RIMS2: variants seen among roughly 807,000 people sequenced by gnomAD.
RIMS2 encodes the protein regulating synaptic membrane exocytosis 2, also known as regulating synaptic membrane exocytosis protein 2.
RIMS2 carries 59 observed loss-of-function variants against 174.4 expected under a neutral mutation model. The observed-to-expected ratio is 0.34, with a 90% CI of 0.27 to 0.42. The LOEUF (loss-of-function observed/expected upper bound fraction) is 0.42, where lower values mean the gene tolerates loss of function less well. RIMS2 is among the 10% of genes least tolerant of loss of function. The probability of loss-of-function intolerance (pLI) is 1.00; values close to 1 mark genes in which losing one functional copy is unlikely to be tolerated. For synonymous variants in RIMS2, 606 were observed against 572.5 expected (o/e 1.06, Z -0.84); for missense variants, 1,620 against 1,666.3 (o/e 0.97, Z 0.48).
intron 3 of RIMS2, among the ~76,000 whole-genome samples, chr8:103,846,962 A>C (rs1282133573): frequency 6.6e-6 from 1 of 152,118 alleles, no homozygotes; most frequent in Non-Finnish European, 1.5e-5. Context: ...GGCTAACCTG[A>C]ATGTCAAACA....
chr8:104,074,564 A>G (rs1598288870), intron 19 of RIMS2, among the ~76,000 whole-genome samples: 1 of 152,338 alleles, frequency 6.6e-6, no homozygotes, highest in East Asian at 1.9e-4. Context: ...TATTGATTTT[A>G]GTGTGGCTCA....
chr8:104,098,144 A>C (rs1405674510), intron 19 of RIMS2, among the ~76,000 whole-genome samples: 1 of 152,196 alleles, frequency 6.6e-6, no homozygotes, highest in Admixed American at 6.5e-5. Flanking sequence ...GCAAAAAGTA[A>C]GTTCAAAAAT....
Position 104,141,795 on chromosome 8 carries a change from G to C in RIMS2, c.3335-103121G>C, listed in dbSNP as rs115803272. 2.8e-3 allele frequency among the ~76,000 whole-genome samples: 420 copies of C among 152,240 alleles called. 5 individuals carry two copies. Among genetic ancestry groups the C allele is most frequent in the African/African-American group, 9.8e-3 (407 of 41,526 alleles). On this transcript the variant is annotated intron_variant, in intron 19 of 23. Transcript: ENST00000504942. ...AGAACATGCTTCTTTCATCTGACTG[G>C]GTTCATCATTCAGGGCTCAGCTAAA...
chr8:103,868,101 T>C (rs1594177369), intron 3 of RIMS2, among the ~76,000 whole-genome samples: 1 of 152,188 alleles, frequency 6.6e-6, no homozygotes, highest in East Asian at 1.9e-4. Context: ...AGGGATAATT[T>C]TCAACAGCTG....
intron 19 of RIMS2, among the ~76,000 whole-genome samples, chr8:104,182,183 C>T (rs2098943901): frequency 1.3e-5 from 2 of 151,666 alleles, no homozygotes; most frequent in Admixed American, 1.3e-4. Flanking sequence ...TCTTCTAATC[C>T]ATTAGCATGT....
At chr8:103,531,098 T>C (rs961701874) in intron 1 of RIMS2, among the ~76,000 whole-genome samples, 2 of 151,650 alleles carry the variant, frequency 1.3e-5, no homozygotes, top group African/African-American at 4.8e-5. Context: ...AGTAAAACTA[T>C]AGAATATATG....
chr8:103,915,129 G>A (rs574471424), intron 6 of RIMS2, among the ~76,000 whole-genome samples: 1 of 152,012 alleles, frequency 6.6e-6, no homozygotes, highest in African/African-American at 2.4e-5. Context: ...TTGTATTAAA[G>A]TATTTACATC....
chr8:104,251,909 C>T (rs1206473893), downstream of RIMS2: 2 of 767,610 alleles, frequency 2.6e-6, no homozygotes, highest in Non-Finnish European at 4.4e-6. Flanking sequence ...ACACTGCATG[C>T]TTAATGTTGT....
At chr8:103,848,507 T>A (rs1020220077) in intron 3 of RIMS2, among the ~76,000 whole-genome samples, 19 of 151,972 alleles carry the variant, frequency 1.3e-4, no homozygotes, top group African/African-American at 4.3e-4. Context: ...TACTGCTGAG[T>A]CTGTCTGGTC....
intron 19 of RIMS2, among the ~76,000 whole-genome samples, chr8:104,062,238 T>G (rs1311162087): frequency 6.6e-6 from 1 of 152,010 alleles, no homozygotes; most frequent in Non-Finnish European, 1.5e-5. Context: ...CTCCTGTCTC[T>G]ACAAAAAATA....
At chr8:103,937,446 C>T (rs576807199) in intron 13 of RIMS2, among the ~76,000 whole-genome samples, 225 of 152,276 alleles carry the variant, frequency 1.5e-3, no homozygotes, top group Middle Eastern at 3.4e-3. Flanking sequence ...TACAATGTAA[C>T]AGGCACTGTG....
At chr8:104,210,150 G>GA (rs1185611998) in intron 19 of RIMS2, among the ~76,000 whole-genome samples, 3 of 152,030 alleles carry the variant, frequency 2.0e-5, no homozygotes, top group Non-Finnish European at 4.4e-5. Flanking sequence ...AAGGTAGAAG[G>GA]AAAAAATTGG....
At chr8:103,583,757 A>T (rs570337452) in intron 1 of RIMS2, among the ~76,000 whole-genome samples, 1 of 152,202 alleles carries the variant, frequency 6.6e-6, no homozygotes, top group South Asian at 2.1e-4. Flanking sequence ...ACAATCAAGC[A>T]TACTTATAGG....
At chr8:103,782,576 A>G (rs917746342) in intron 3 of RIMS2, among the ~76,000 whole-genome samples, 1 of 152,134 alleles carries the variant, frequency 6.6e-6, no homozygotes, top group Non-Finnish European at 1.5e-5. Context: ...AGTCATTGCG[A>G]TATGACCCAC....
At chr8:103,688,394 A>C (rs2096968709) in intron 1 of RIMS2, among the ~76,000 whole-genome samples, 1 of 152,108 alleles carries the variant, frequency 6.6e-6, no homozygotes, top group African/African-American at 2.4e-5. Flanking sequence ...GGTGTATCAC[A>C]TTGATAGAAT....
At chr8:103,626,956 G>C (rs929643301) in intron 1 of RIMS2, among the ~76,000 whole-genome samples, 3 of 152,134 alleles carry the variant, frequency 2.0e-5, no homozygotes, top group African/African-American at 7.2e-5. Flanking sequence ...GCATTGTCTT[G>C]ATAAACATCT....
intron 1 of RIMS2, among the ~76,000 whole-genome samples, chr8:103,610,544 A>T (rs2095331722): frequency 2.0e-5 from 3 of 152,108 alleles, no homozygotes; most frequent in Non-Finnish European, 4.4e-5. Flanking sequence ...ACATGAAGGG[A>T]TGTTGAATTT....
At chr8:103,853,676 A>G (rs534614427) in intron 3 of RIMS2, among the ~76,000 whole-genome samples, 3 of 152,262 alleles carry the variant, frequency 2.0e-5, no homozygotes, top group African/African-American at 2.4e-5. Context: ...CAGCCTTGAC[A>G]AAGAACAGAT....
chr8:103,916,455 G>A (rs2076649203), exon 8 of RIMS2: 1 of 1,609,932 alleles, frequency 6.2e-7, no homozygotes, highest in South Asian at 1.1e-5. Flanking sequence ...ACTGCAAGGA[G>A]CCACATTTGA....
Sources: allele counts gnomAD v4.1 joint callset (sites outside exome capture counted in the v4.1 genomes callset), GRCh38; gene constraint gnomAD v4.1.1; transcripts MANE v1.5; gene names NCBI Gene and HGNC (gene_info 2026-07-23, HGNC 2026-07-21).